Variants in ACOT1 observed in about 807,000 individuals in gnomAD.
The protein encoded by ACOT1 is acyl-coenzyme A thioesterase 1.
In ACOT1, 8 loss-of-function variants were observed where a neutral mutation model predicts 15.7. The ratio of observed to expected loss-of-function variants is 0.51; its 90% CI spans 0.30 to 0.92. ACOT1 has a LOEUF of 0.92. Ranked by LOEUF, ACOT1 falls within the 40% of genes least tolerant of loss-of-function variation. The pLI is 0.06. For synonymous variants in ACOT1, 67 were observed against 241.2 expected (o/e 0.28, Z 6.69); for missense variants, 151 against 539.4 (o/e 0.28, Z 7.13).
the ACOT1 span, chr14:73,495,259 T>C: frequency 6.2e-7 from 1 of 1,613,846 alleles, no homozygotes. Flanking sequence ...AAGTCTGGAG[T>C]GTTAGTGGTC....
the ACOT1 span, chr14:73,491,386 G>T: frequency 1.5e-6 from 2 of 1,351,888 alleles, no homozygotes; most frequent in Non-Finnish European, 1.9e-6. Flanking sequence ...CGCGCCTGGT[G>T]CCCGCTTCCG....
chr14:73,492,597 C>T, the ACOT1 span: 1 of 1,613,730 alleles, frequency 6.2e-7, no homozygotes, highest in Non-Finnish European at 8.5e-7. This position sits in a 1 kb window ranked among gnomAD's most constrained non-coding sequence, Gnocchi z 4.9. Flanking sequence ...TACGGGCTTC[C>T]AATTCGCTGG....
the ACOT1 span, among the ~76,000 whole-genome samples, chr14:73,531,423 C>CTT: frequency 5.3e-5 from 5 of 93,576 alleles, no homozygotes; most frequent in Non-Finnish European, 6.8e-5. Context: ...AGTTTTTCGT[C>CTT]TTTTTTTTTT....
chr14:73,520,783 C>T, the ACOT1 span: 1 of 1,423,570 alleles, frequency 7.0e-7, no homozygotes, highest in Non-Finnish European at 9.7e-7. Flanking sequence ...GTTTCCAGCC[C>T]CCAGCAATCT....
chr14:73,504,475 C>T, the ACOT1 span, among the ~76,000 whole-genome samples: 7 of 152,116 alleles, frequency 4.6e-5, no homozygotes, highest in East Asian at 1.9e-4. Context: ...ATCTCCTGAC[C>T]TCGTGATCCG....
intron 1 of ACOT1, among the ~76,000 whole-genome samples, 160 bp from the exon 2 acceptor site, chr14:73,541,333 A>G (rs113041847): frequency 8.9e-6 from 1 of 112,054 alleles, no homozygotes; most frequent in African/African-American, 3.0e-5. Context: ...ACTTGCCAGA[A>G]GTTTCTGGAC....
chr14:73,530,794 A>ATTTTTTTTT, the ACOT1 span, among the ~76,000 whole-genome samples: 2 of 57,788 alleles, frequency 3.5e-5, no homozygotes, highest in Non-Finnish European at 6.4e-5. Context: ...TCTCGGTTAA[A>ATTTTTTTTT]TTTTTTTTTT....
chr14:73,530,507 C>T, the ACOT1 span: 7 of 127,064 alleles, frequency 5.5e-5, no homozygotes, highest in Admixed American at 4.3e-4. Context: ...CCCTTTTTGC[C>T]CTCAAAAAGT....
the ACOT1 span, chr14:73,523,225 C>T: frequency 7.0e-7 from 1 of 1,420,522 alleles, no homozygotes; most frequent in Non-Finnish European, 9.4e-7. Context: ...GACCTGGCAC[C>T]TGTTAAGGGA....
At chr14:73,496,514 G>A in the ACOT1 span, 1 of 781,324 alleles carries the variant, frequency 1.3e-6, no homozygotes, top group Non-Finnish European at 2.3e-6. Context: ...GGGAAAAAGG[G>A]TATGTACATG....
the ACOT1 span, chr14:73,522,551 G>A: frequency 6.8e-6 from 11 of 1,613,966 alleles, no homozygotes; most frequent in Admixed American, 5.0e-5. Flanking sequence ...GGCCTCCCAC[G>A]CTCTGGCCTC....
the ACOT1 span, chr14:73,512,010 GTC>G: frequency 4.3e-6 from 7 of 1,613,978 alleles, no homozygotes; most frequent in Admixed American, 8.3e-5. Context: ...TCTCACCTGA[GTC>G]TCTCTGGCTG....
chr14:73,494,561 T>G, the ACOT1 span, among the ~76,000 whole-genome samples: 5 of 152,158 alleles, frequency 3.3e-5, 1 homozygote, highest in East Asian at 7.7e-4. Context: ...TTGTTTGTTT[T>G]TTTGTTTGAG....
the ACOT1 span, among the ~76,000 whole-genome samples, chr14:73,496,201 T>G: frequency 2.6e-5 from 4 of 152,050 alleles, no homozygotes; most frequent in East Asian, 7.7e-4. Flanking sequence ...AAACCCAGAT[T>G]AGGAATTCAG....
chr14:73,522,723 G>T, the ACOT1 span: 2 of 1,614,096 alleles, frequency 1.2e-6, no homozygotes, highest in Non-Finnish European at 8.5e-7. Flanking sequence ...TTCTTTTCGG[G>T]ATTGGCAGAG....
chr14:73,505,602 G>T, the ACOT1 span, among the ~76,000 whole-genome samples: 1 of 151,828 alleles, frequency 6.6e-6, no homozygotes, highest in Non-Finnish European at 1.5e-5. Flanking sequence ...CACTATGTTG[G>T]CCAGGCTGGT....
the ACOT1 span, among the ~76,000 whole-genome samples, chr14:73,512,521 T>TACTTAACCCTGAGCCTGA: frequency 2.0e-5 from 3 of 152,202 alleles, no homozygotes; most frequent in Non-Finnish European, 4.4e-5. Flanking sequence ...GTGGATAAGT[T>TACTTAACCCTGAGCCTGA]ACTTAACCCT....
the ACOT1 span, chr14:73,506,605 A>G: frequency 6.7e-7 from 1 of 1,498,128 alleles, no homozygotes; most frequent in Non-Finnish European, 9.3e-7. Context: ...GGATATTCAC[A>G]ATCACTTTTA....
At chr14:73,529,075 C>T in the ACOT1 span, 1 of 152,202 alleles carries the variant, frequency 6.6e-6, no homozygotes, top group African/African-American at 2.4e-5. Flanking sequence ...GTCAATCGGC[C>T]AGGCGTGGTG....
Sources: gnomAD v4.1 joint callset for allele counts (sites outside exome capture counted in the v4.1 genomes callset) on GRCh38, gnomAD v4.1.1 for gene constraint, Gnocchi (gnomAD v3.1) non-coding constraint, MANE v1.5 for transcripts, NCBI Gene and HGNC (gene_info 2026-07-23, HGNC 2026-07-21) for gene names.